SCAI: variants seen among roughly 807,000 people sequenced by gnomAD.
SCAI encodes suppressor of cancer cell invasion.
SCAI carries 24 observed loss-of-function variants against 92.2 expected under a neutral mutation model. The observed-to-expected ratio is 0.26, with a 90% CI of 0.19 to 0.37. The LOEUF (loss-of-function observed/expected upper bound fraction) is 0.37. Among genes scored for constraint, SCAI ranks in the 10% least tolerant of loss-of-function variants. The pLI is 1.00. For missense variants in SCAI, 450 were observed against 736.2 expected (o/e 0.61, Z 4.50); for synonymous variants, 261 against 258.6 (o/e 1.01, Z -0.09).
chr9:125,111,555 GA>G (rs943073837), intron 2 of SCAI, among the ~76,000 whole-genome samples: 7 of 143,420 alleles, frequency 4.9e-5, no homozygotes, highest in East Asian at 2.1e-4. Flanking sequence ...CTTTTTTTGT[GA>G]AAATTTTTTT....
rs555576162 is a variant in SCAI at position 124,948,112 on chromosome 9, G to A, written c.*4695C>T. On this transcript the variant is annotated 3_prime_UTR_variant, in exon 18 of 18. Coordinates refer to ENST00000336505, the MANE Select transcript of SCAI (RefSeq NM_001144877.3). The stretch of plus-strand genomic sequence containing the variant: ...ACCTAATACATAAATCCGATTTGTC[G>A]CTTTTCCCATTATCCTGACTAAATC... 4.6e-5 allele frequency: 7 copies of A among 152,268 alleles called. No individual in the cohort carries two copies. In the South Asian group the frequency reaches 6.2e-4, roughly 14 times the overall value. The allele number at this position is 152,268 out of a possible 1,614,324, so 9.4% of individuals were successfully genotyped here. A position where few individuals can be genotyped will look rare whatever the true frequency, so the allele number is the denominator to read the frequency against.
chr9:125,118,558 T>C (rs1835097892), intron 2 of SCAI, among the ~76,000 whole-genome samples: 1 of 150,502 alleles, frequency 6.6e-6, no homozygotes, highest in African/African-American at 2.4e-5. Flanking sequence ...CAACAGGTAA[T>C]ACAGTTCACA....
Position 124,946,302 on chromosome 9 carries a change from C to T in SCAI, c.*6505G>A, listed in dbSNP as rs981577715. The T allele has an allele frequency of 7.9e-5, 12 of 152,052 alleles. No homozygotes were observed. The highest frequency in any genetic ancestry group is 1.3e-4 in the Non-Finnish European group (9 of 68,004). 9.4% of individuals were successfully genotyped at this position (152,052 alleles called of 1,614,324 possible). A position where few individuals can be genotyped will look rare whatever the true frequency, so the allele number is the denominator to read the frequency against. Reference sequence around the variant, plus strand: ...AAGAAAAATGCTGTTATAATTATTTCTGAATTTAATACTATAATTGAAAAG... The same window carrying T: ...AAGAAAAATGCTGTTATAATTATTTTTGAATTTAATACTATAATTGAAAAG... On this transcript the variant is annotated 3_prime_UTR_variant, in exon 18 of 18. Transcript: ENST00000336505. The surrounding 1 kb of genome is among the most constrained non-coding windows in gnomAD (Gnocchi z 4.0).
intron 2 of SCAI, among the ~76,000 whole-genome samples, chr9:125,132,225 T>C (rs907172583): frequency 2.6e-5 from 4 of 152,160 alleles, no homozygotes; most frequent in Admixed American, 6.5e-5. Flanking sequence ...GCAATTCTCC[T>C]GCCTCAGCCT....
chr9:125,019,030 A>C, intron 8 of SCAI, 77 bp downstream of exon 8: 1 of 1,533,126 alleles, frequency 6.5e-7, no homozygotes, highest in Middle Eastern at 1.7e-4. Flanking sequence ...TCTTCTTGAC[A>C]TATACACACA....
intron 2 of SCAI, among the ~76,000 whole-genome samples, chr9:125,096,034 G>A (rs989782663): frequency 1.3e-5 from 2 of 152,102 alleles, no homozygotes; most frequent in South Asian, 4.2e-4. Context: ...CTTTGTAGAG[G>A]GGCTACCCTC....
rs1213942770 is a variant in SCAI, at chr9:124,943,802, ACT to A, written c.*9003_*9004del. The A allele has an allele frequency of 1.3e-5, 2 of 152,194 alleles. No homozygotes were observed. Among genetic ancestry groups the A allele is most frequent in the Non-Finnish European group, 2.9e-5 (2 of 68,032 alleles). 9.4% of individuals were successfully genotyped at this position (152,194 alleles called of 1,614,324 possible). On this transcript the variant is annotated 3_prime_UTR_variant, in exon 18 of 18. Coordinates refer to ENST00000336505, the MANE Select transcript of SCAI (RefSeq NM_001144877.3). ...GATGATTAGAACTTAAAAAAGGGAA[ACT>A]CAACCTTCCAATGGAAACTGCTCAG...
intron 3 of SCAI, among the ~76,000 whole-genome samples, chr9:125,032,662 G>A (rs1833103382): frequency 6.8e-6 from 1 of 146,414 alleles, no homozygotes; most frequent in Non-Finnish European, 1.5e-5. Context: ...TGCCCAGGCT[G>A]GAGTGCAGTG....
chr9:124,963,723 C>T (rs1831486310), intron 17 of SCAI, among the ~76,000 whole-genome samples: 1 of 122,372 alleles, frequency 8.2e-6, no homozygotes, highest in Non-Finnish European at 1.6e-5. Context: ...GTGCTCCAGC[C>T]TTCCAACCTG....
intron 17 of SCAI, among the ~76,000 whole-genome samples, chr9:124,956,420 T>C (rs1246819645): frequency 6.6e-6 from 1 of 152,042 alleles, no homozygotes; most frequent in Admixed American, 6.6e-5. Flanking sequence ...GGTTTCTCCA[T>C]GTTGGTCAGG....
At chr9:125,118,116 T>C (rs1221900796) in intron 2 of SCAI, among the ~76,000 whole-genome samples, 2 of 152,164 alleles carry the variant, frequency 1.3e-5, no homozygotes, top group African/African-American at 4.8e-5. Flanking sequence ...AATTAAAAAT[T>C]GATTTAAAAA....
rs747044631 is a variant in SCAI, at chr9:125,142,667, T to G, written c.64A>C (p.Thr22Pro). The G allele has an allele frequency of 4.3e-6, 7 of 1,613,648 alleles. No individual in the cohort carries two copies. In the South Asian group the frequency reaches 7.7e-5, roughly 18 times the overall value. The change falls in exon 2 of 18, where the codon ACA becomes CCA. Residue 22 changes from threonine (T) to proline (P), a missense_variant. Physicochemically the swap from Thr to Pro is conservative, Grantham distance 38. Transcript: ENST00000336505. ...RSRLAPRLTG[T>P]VEKPPRKRRS... ...CGTTTTCGAGGCGGTTTCTCCACTG[T>G]GCCAGTCAGTCTGCAGACCAAACAA...
chr9:125,130,805 C>T (rs1423461361), intron 2 of SCAI, among the ~76,000 whole-genome samples: 1 of 151,318 alleles, frequency 6.6e-6, no homozygotes, highest in Non-Finnish European at 1.5e-5. Context: ...CTCTTAATAA[C>T]GAACATGCTT....
Position 125,143,386 on chromosome 9 carries a change from TG to T in SCAI, c.51del (p.Arg18AspfsTer2), listed in dbSNP as rs1242716235. ...CCGGCCTCCACCCAGCCCCCGCACCTGGGGGCCAGGCGACTCCGCGGCTGCT... is the reference window on the plus strand; with the variant it reads ...CCGGCCTCCACCCAGCCCCCGCACCTGGGGCCAGGCGACTCCGCGGCTGCT... ...QPQQPRSRLA[P>X]RLTGTVEKPP... On this transcript the variant is annotated frameshift_variant and splice_region_variant, in exon 1 of 18. Transcript: ENST00000336505. LOFTEE classifies it high-confidence loss of function. 1.5e-5 allele frequency: 19 copies of T among 1,280,490 alleles called. No homozygotes were observed. Among genetic ancestry groups the T allele is most frequent in the South Asian group, 6.7e-5 (4 of 59,858 alleles). The allele number at this position is 1,280,490 out of a possible 1,614,324, so 79.3% of individuals were successfully genotyped here.
At chr9:125,099,156 T>G (rs940543655) in intron 2 of SCAI, among the ~76,000 whole-genome samples, 12 of 152,182 alleles carry the variant, frequency 7.9e-5, no homozygotes, top group African/African-American at 2.7e-4. Context: ...TTGGCATCCT[T>G]TAGGAATTTT....
At chr9:124,989,488 G>A (rs937604144) in intron 14 of SCAI, among the ~76,000 whole-genome samples, 3 of 152,092 alleles carry the variant, frequency 2.0e-5, no homozygotes, top group Non-Finnish European at 4.4e-5. Context: ...CGTTGAGAGA[G>A]GAGAATCACT....
intron 2 of SCAI, among the ~76,000 whole-genome samples, chr9:125,111,355 C>A (rs1834925407): frequency 6.6e-6 from 1 of 152,046 alleles, no homozygotes; most frequent in South Asian, 2.1e-4. Flanking sequence ...ACCTCAAAGA[C>A]TTCTACTTCT....
intron 2 of SCAI, among the ~76,000 whole-genome samples, chr9:125,111,338 T>A (rs1297632418): frequency 1.3e-5 from 2 of 152,160 alleles, no homozygotes; most frequent in African/African-American, 2.4e-5. Flanking sequence ...CAGAATTTTT[T>A]AAAAAGACCT....
intron 2 of SCAI, among the ~76,000 whole-genome samples, chr9:125,078,360 C>G (rs1834138306): frequency 6.6e-6 from 1 of 151,672 alleles, no homozygotes; most frequent in Non-Finnish European, 1.5e-5. Context: ...AACCACATCT[C>G]TACCAAAAAT....
Sources: gnomAD v4.1 joint callset for allele counts (sites outside exome capture counted in the v4.1 genomes callset) on GRCh38, gnomAD v4.1.1 for gene constraint, Gnocchi (gnomAD v3.1) non-coding constraint, MANE v1.5 for transcripts, NCBI Gene and HGNC (gene_info 2026-07-23, HGNC 2026-07-21) for gene names.